The following RBFOX1 variants were observed in gnomAD, a reference collection of about 807,000 sequenced individuals.
The protein encoded by RBFOX1 is RNA binding protein fox-1 homolog 1.
RBFOX1 carries 8 observed loss-of-function variants against 57.7 expected under a neutral mutation model. The ratio of observed to expected loss-of-function variants is 0.14; its 90% CI spans 0.08 to 0.25. RBFOX1 has a LOEUF of 0.25. Among genes scored for constraint, RBFOX1 ranks in the 10% least tolerant of loss-of-function variants. The probability of loss-of-function intolerance (pLI) is 1.00; values close to 1 mark genes in which losing one functional copy is unlikely to be tolerated. For synonymous variants in RBFOX1, 326 were observed against 222.4 expected, an observed-to-expected ratio of 1.47 and a Z score of -4.15; for missense variants, 611 against 548.5, an observed-to-expected ratio of 1.11 and a Z score of -1.14.
At chr16:6,777,833 C>T (rs940773215) in intron 3 of RBFOX1, among the ~76,000 whole-genome samples, 7 of 152,076 alleles carry the variant, frequency 4.6e-5, no homozygotes, top group African/African-American at 1.4e-4. Flanking sequence ...GTTTCATTTT[C>T]ACTTTTTGCA....
chr16:6,944,741 A>G (rs2079167843), intron 3 of RBFOX1, among the ~76,000 whole-genome samples: 1 of 152,192 alleles, frequency 6.6e-6, no homozygotes, highest in African/African-American at 2.4e-5. Flanking sequence ...ACATACATGG[A>G]TAAAGTCCTG....
At chr16:7,245,047 C>G (rs949935496) in intron 4 of RBFOX1, among the ~76,000 whole-genome samples, 1 of 152,190 alleles carries the variant, frequency 6.6e-6, no homozygotes, top group African/African-American at 2.4e-5. Flanking sequence ...ATATACCAGA[C>G]TTTCTGATTG....
intron 1 of RBFOX1, among the ~76,000 whole-genome samples, chr16:5,454,550 G>A (rs993357366): frequency 1.3e-5 from 2 of 152,120 alleles, no homozygotes; most frequent in Non-Finnish European, 2.9e-5. Context: ...ATCAGTTGAA[G>A]GCCTGAATAG....
At chr16:7,431,440 T>A (rs1042151890) in intron 4 of RBFOX1, 2 of 151,724 alleles carry the variant, frequency 1.3e-5, no homozygotes, top group Non-Finnish European at 2.9e-5. Flanking sequence ...GGGTTCTTAC[T>A]GTGTTGCCCA....
intron 14 of RBFOX1, chr16:7,693,390 G>A: frequency 6.8e-7 from 1 of 1,476,710 alleles, no homozygotes; most frequent in Non-Finnish European, 9.4e-7. Context: ...GCTACTTCTT[G>A]ATGCATCCAT....
chr16:7,670,759 G>A (rs559988473), intron 13 of RBFOX1, among the ~76,000 whole-genome samples: 2 of 152,270 alleles, frequency 1.3e-5, no homozygotes, highest in Admixed American at 1.3e-4. Flanking sequence ...CTCTTCAAGT[G>A]TTCAGCCATC....
intron 4 of RBFOX1, among the ~76,000 whole-genome samples, chr16:5,966,506 G>A (rs2059846336): frequency 6.6e-6 from 1 of 152,176 alleles, no homozygotes; most frequent in Non-Finnish European, 1.5e-5. Flanking sequence ...CCCCCAGGCT[G>A]GAGCGCAATG....
intron 3 of RBFOX1, among the ~76,000 whole-genome samples, chr16:6,968,855 C>T (rs540240383): frequency 6.6e-6 from 1 of 150,548 alleles, no homozygotes; most frequent in Non-Finnish European, 1.5e-5. Flanking sequence ...TGCAGGTCTT[C>T]TGGCAGCTGA....
At chr16:5,473,920 G>A (rs1246222521) in intron 2 of RBFOX1, among the ~76,000 whole-genome samples, 2 of 142,902 alleles carry the variant, frequency 1.4e-5, no homozygotes, top group Non-Finnish European at 3.1e-5. Flanking sequence ...GGAAGGAAGG[G>A]TGGGTGGGTA....
At position 5,717,350 on chromosome 16, in the gene RBFOX1, A is replaced by T. The variant is rs545283855; in HGVS notation, c.318+118389A>T. Among the ~76,000 whole-genome samples, 312 of 149,872 alleles carry T rather than the reference A, an allele frequency of 2.1e-3. 1 individual carries two copies. Among genetic ancestry groups the T allele is most frequent in the African/African-American group, 4.1e-3 (168 of 41,008 alleles). ...TATCTTTTTTTCTTAATACAGATTT[A>T]AAAAAAAATGTTTACTTTCAATAGT... On this transcript the variant is annotated intron_variant, in intron 3 of 19. Coordinates refer to the RBFOX1 transcript ENST00000641259.
intron 4 of RBFOX1, among the ~76,000 whole-genome samples, chr16:5,871,345 A>T (rs2057465315): frequency 6.6e-6 from 1 of 152,228 alleles, no homozygotes; most frequent in African/African-American, 2.4e-5. Context: ...TACATAATAT[A>T]ACAGATAAAT....
At chr16:7,170,652 C>A (rs549252117) in intron 4 of RBFOX1, among the ~76,000 whole-genome samples, 1 of 152,118 alleles carries the variant, frequency 6.6e-6, no homozygotes, top group African/African-American at 2.4e-5. Flanking sequence ...ATCTTTTAGC[C>A]CTAAGCTGTA....
chr16:6,975,730 T>C (rs1598867457), intron 3 of RBFOX1, among the ~76,000 whole-genome samples: 1 of 152,218 alleles, frequency 6.6e-6, no homozygotes, highest in South Asian at 2.1e-4. Context: ...CATATGCTCA[T>C]AGGCTGAAAG....
chr16:6,177,316 C>T (rs968872539), intron 1 of RBFOX1, among the ~76,000 whole-genome samples: 1 of 151,990 alleles, frequency 6.6e-6, no homozygotes, highest in Non-Finnish European at 1.5e-5. Flanking sequence ...TCCCTTTGCC[C>T]TCCACCCAAT....
chr16:7,514,281 T>C (rs1331005317), intron 4 of RBFOX1, among the ~76,000 whole-genome samples: 1 of 152,186 alleles, frequency 6.6e-6, no homozygotes, highest in East Asian at 1.9e-4. Context: ...CAGGTTTGCC[T>C]CATGAGTCGT....
At chr16:7,323,648 A>G (rs1376989049) in intron 4 of RBFOX1, among the ~76,000 whole-genome samples, 1 of 152,196 alleles carries the variant, frequency 6.6e-6, no homozygotes, top group Admixed American at 6.5e-5. Context: ...CTTGTTACTA[A>G]TGTACTAGAT....
chr16:6,243,166 G>A (rs149022493), intron 1 of RBFOX1, among the ~76,000 whole-genome samples: 2 of 151,902 alleles, frequency 1.3e-5, no homozygotes, highest in Non-Finnish European at 2.9e-5. Flanking sequence ...GTGTGTGTGT[G>A]TTTATGTACA....
chr16:7,562,473 T>C (rs933243290), intron 5 of RBFOX1, among the ~76,000 whole-genome samples: 3 of 152,048 alleles, frequency 2.0e-5, no homozygotes, highest in African/African-American at 7.2e-5. Flanking sequence ...GCAACAGCCT[T>C]GAAGACACGA....
chr16:7,422,506 G>A (rs2098552435), intron 4 of RBFOX1, among the ~76,000 whole-genome samples: 1 of 152,168 alleles, frequency 6.6e-6, no homozygotes, highest in Non-Finnish European at 1.5e-5. Flanking sequence ...GGGTGGAATT[G>A]CTTGCACTCC....
Sources: allele counts gnomAD v4.1 joint callset (sites outside exome capture counted in the v4.1 genomes callset), GRCh38; gene constraint gnomAD v4.1.1; transcripts MANE v1.5; gene names NCBI Gene and HGNC (gene_info 2026-07-23, HGNC 2026-07-21).